Variants in EMID1 observed in about 807,000 individuals in gnomAD.
EMID1 encodes the protein EMI domain-containing protein 1.
Under a neutral mutation model 60.6 loss-of-function variants are expected in EMID1, and 40 were observed. That is an observed-to-expected ratio of 0.66 (90% CI 0.51 to 0.86). The LOEUF (loss-of-function observed/expected upper bound fraction) is 0.86. EMID1 is among the 40% of genes least tolerant of loss of function. The pLI, the probability that EMID1 is intolerant of heterozygous loss-of-function variation, is 0.00. For synonymous variants in EMID1, 242 were observed against 231.0 expected (o/e 1.05, Z -0.43); for missense variants, 585 against 597.1 (o/e 0.98, Z 0.21).
At chr22:29,249,618 ATTTATTT>A (rs2041452146) in intron 13 of EMID1, among the ~76,000 whole-genome samples, 1 of 146,450 alleles carries the variant, frequency 6.8e-6, no homozygotes, top group Non-Finnish European at 1.5e-5. Context: ...TTATTTATTT[ATTTATTT>A]ATTTTTGAGA....
At chr22:29,222,963 C>A (rs1162586565) in intron 3 of EMID1, among the ~76,000 whole-genome samples, 1 of 152,146 alleles carries the variant, frequency 6.6e-6, no homozygotes, top group Non-Finnish European at 1.5e-5. Flanking sequence ...TTGTGGCACG[C>A]TCCTGTTGTC....
chr22:29,209,691 C>A (rs892885895), intron 1 of EMID1, among the ~76,000 whole-genome samples: 23 of 152,178 alleles, frequency 1.5e-4, no homozygotes, highest in African/African-American at 5.6e-4. Context: ...GGGTGGTGCC[C>A]AACCCCTGCC....
chr22:29,232,469 A>T, intron 8 of EMID1, 67 bp downstream of exon 8: 1 of 1,445,796 alleles, frequency 6.9e-7, no homozygotes, highest in Non-Finnish European at 9.2e-7. Context: ...AGTGCCCGCT[A>T]CCATCTGCCA....
chr22:29,207,145 A>G (rs2039697710), intron 1 of EMID1, among the ~76,000 whole-genome samples: 1 of 152,204 alleles, frequency 6.6e-6, no homozygotes, highest in Non-Finnish European at 1.5e-5. Flanking sequence ...CCCAGTGGTC[A>G]GGGGCCAGCA....
rs3066719 is a variant in EMID1, at chr22:29,238,254, AATTATTATTATTATTATT to A, written c.1074+3937_1074+3954del. On this transcript the variant is annotated intron_variant, in intron 12 of 14. Coordinates refer to ENST00000334018, the MANE Select transcript of EMID1 (RefSeq NM_133455.4). The stretch of plus-strand genomic sequence containing the variant: ...TTTGATTCTCTGAAGTTTTTCTAAA[AATTATTATTATTATTATT>A]ATTATTATTATTATTATTATTATTA... 5.3e-4 allele frequency among the ~76,000 whole-genome samples: 62 copies of A among 116,648 alleles called. 7 individuals are homozygous for A. Among genetic ancestry groups the A allele is most frequent in the East Asian group, 4.6e-3 (19 of 4,122 alleles). The allele number at this position is 116,648 out of a possible 152,430, so 76.5% of individuals were successfully genotyped here.
intron 4 of EMID1, 53 bp downstream of exon 4, chr22:29,225,269 G>T (rs1244233493): frequency 1.9e-6 from 3 of 1,586,528 alleles, no homozygotes; most frequent in Non-Finnish European, 1.7e-6. Context: ...GAGCCCTGGA[G>T]GGGGCTCAGG....
chr22:29,216,745 A>G (rs1308163149), intron 3 of EMID1: 3 of 847,276 alleles, frequency 3.5e-6, no homozygotes, highest in Non-Finnish European at 4.3e-6. Flanking sequence ...CCAGAGGCAC[A>G]CGGCCATGGG....
At chr22:29,256,357 CG>C (rs1356759884) in intron 14 of EMID1, among the ~76,000 whole-genome samples, 9 of 149,120 alleles carry the variant, frequency 6.0e-5, no homozygotes. Flanking sequence ...CCCAGCTACT[CG>C]GGAGGCTGAG....
chr22:29,250,962 G>T (rs376581738), intron 13 of EMID1, among the ~76,000 whole-genome samples: 6 of 151,196 alleles, frequency 4.0e-5, no homozygotes, highest in African/African-American at 1.5e-4. Flanking sequence ...GTGTTGCCCA[G>T]GCTGGAGTGC....
intron 3 of EMID1, among the ~76,000 whole-genome samples, chr22:29,219,295 A>G (rs2040200984): frequency 6.6e-6 from 1 of 152,116 alleles, no homozygotes; most frequent in African/African-American, 2.4e-5. Context: ...AGATAGAAAG[A>G]TAGAGAGGCC....
rs59651061 is a variant in EMID1, at chr22:29,221,066, C to CGTGT, written c.320-4012_320-4009dup. 7.7e-3 allele frequency among the ~76,000 whole-genome samples: 770 copies of CGTGT among 100,010 alleles called. 12 individuals are homozygous for CGTGT. The highest frequency in any genetic ancestry group is 0.018 in the African/African-American group (473 of 26,228). 65.6% of individuals were successfully genotyped at this position (100,010 alleles called of 152,430 possible). A position where few individuals can be genotyped will look rare whatever the true frequency, so the allele number is the denominator to read the frequency against. On this transcript the variant is annotated intron_variant, in intron 3 of 14. Transcript: ENST00000334018. ...ATTAGGGGAGGGCATGGGGTGGGAA[C>CGTGT]GTGTGTGTGTGTGTGTGTGTGTGTG...
At chr22:29,207,167 G>A (rs2039699588) in intron 1 of EMID1, among the ~76,000 whole-genome samples, 1 of 152,198 alleles carries the variant, frequency 6.6e-6, no homozygotes, top group Admixed American at 6.5e-5. Flanking sequence ...GCCCCTGCTG[G>A]GCTAGCAAGA....
intron 1 of EMID1, among the ~76,000 whole-genome samples, chr22:29,209,380 A>C (rs986394187): frequency 6.6e-6 from 1 of 151,918 alleles, no homozygotes; most frequent in Non-Finnish European, 1.5e-5. Flanking sequence ...CCCTGCCCTC[A>C]CCAACCCCAC....
chr22:29,212,072 G>T (rs1381437360), intron 1 of EMID1, among the ~76,000 whole-genome samples: 2 of 152,038 alleles, frequency 1.3e-5, no homozygotes, highest in Non-Finnish European at 2.9e-5. Context: ...TGCAACCTCT[G>T]CCTCCCGGGT....
Position 29,214,351 on chromosome 22 carries a change from G to A in EMID1, c.102-575G>A, listed in dbSNP as rs563154460. ...ATAGGCCATGTCACATCTGGGCTTT[G>A]AAGGTAGGAGGCGCCATGGGGAGAA... On this transcript the variant is annotated intron_variant, in intron 1 of 14. Transcript: ENST00000334018. Among the ~76,000 whole-genome samples the A allele has an allele frequency of 9.9e-5, 15 of 152,282 alleles. No homozygotes were observed. The South Asian group carries it at 2.9e-3, about 30-fold the overall frequency.
At chr22:29,229,243 G>A (rs1407157187) in intron 5 of EMID1, among the ~76,000 whole-genome samples, 1 of 152,170 alleles carries the variant, frequency 6.6e-6, no homozygotes, top group Non-Finnish European at 1.5e-5. Context: ...AGAGGCTGAG[G>A]CAGGAGGATC....
intron 1 of EMID1, among the ~76,000 whole-genome samples, chr22:29,212,131 G>T (rs544010971): frequency 1.3e-5 from 2 of 151,660 alleles, no homozygotes; most frequent in African/African-American, 2.4e-5. Flanking sequence ...GATTACAGGC[G>T]CACACCACCA....
In EMID1 at chr22:29,259,336, C is replaced by G. The variant is rs548304471; in HGVS notation, c.*392C>G. The stretch of plus-strand genomic sequence containing the variant: ...TTCCTCCCCCTCCCCGACCAAACCT[C>G]GGGGAGCCCTCCTGTGCCCCTCCCT... On this transcript the variant is annotated 3_prime_UTR_variant, in exon 15 of 15. Transcript: ENST00000334018. 1 of 227,240 alleles carries G rather than the reference C, an allele frequency of 4.4e-6. No individual in the cohort carries two copies. The highest frequency in any genetic ancestry group is 5.7e-5 in the South Asian group (1 of 17,604). The allele number at this position is 227,240 out of a possible 1,614,324, so 14.1% of individuals were successfully genotyped here.
At chr22:29,221,654 G>A (rs1236776317) in intron 3 of EMID1, among the ~76,000 whole-genome samples, 1 of 152,130 alleles carries the variant, frequency 6.6e-6, no homozygotes, top group African/African-American at 2.4e-5. Flanking sequence ...GATTACAGGA[G>A]TGAGCCACCA....
Sources: allele counts gnomAD v4.1 joint callset (sites outside exome capture counted in the v4.1 genomes callset), GRCh38; gene constraint gnomAD v4.1.1; transcripts MANE v1.5; gene names NCBI Gene and HGNC (gene_info 2026-07-23, HGNC 2026-07-21).